The following AHCYL2 variants were observed in gnomAD, a reference collection of about 807,000 sequenced individuals.
The protein encoded by AHCYL2 is adenosylhomocysteinase like 2, also known as S-adenosylhomocysteine hydrolase-like protein 2.
AHCYL2 carries 28 observed loss-of-function variants against 81.4 expected under a neutral mutation model. The observed-to-expected ratio is 0.34, with a 90% confidence interval of 0.25 to 0.47. The LOEUF (loss-of-function observed/expected upper bound fraction) is 0.47. Ranked by LOEUF, AHCYL2 falls within the 20% of genes least tolerant of loss-of-function variation. AHCYL2 has a pLI of 1.00. For synonymous variants in AHCYL2, 272 were observed against 290.2 expected, an observed-to-expected ratio of 0.94 and a Z score of 0.64; for missense variants, 551 against 785.1, an observed-to-expected ratio of 0.70 and a Z score of 3.56.
At chr7:129,236,434 C>G (rs1016984616) in intron 1 of AHCYL2, among the ~76,000 whole-genome samples, 1 of 152,020 alleles carries the variant, frequency 6.6e-6, no homozygotes, top group Non-Finnish European at 1.5e-5. Context: ...CTCCTGACCT[C>G]AGGTGATCCG....
Position 129,426,644 on chromosome 7 carries a change from C to T in AHCYL2, c.1829+81C>T, listed in dbSNP as rs1797377859. On this transcript the variant is annotated intron_variant, in intron 16 of 16. Coordinates refer to ENST00000325006, the MANE Select transcript of AHCYL2 (RefSeq NM_015328.4). This position sits in a 1 kb window ranked among gnomAD's most constrained non-coding sequence, Gnocchi z 4.3. ...CTGGAATTGGTCTTTGCATCCCCAA[C>T]CACATATGCTTACATGAACTCAGAA... 6.5e-7 allele frequency: 1 copy of T among 1,544,130 alleles called. No homozygotes were observed. The highest frequency in any genetic ancestry group is 1.4e-5 in the African/African-American group (1 of 72,506).
At chr7:129,310,554 G>A (rs997939073) in intron 1 of AHCYL2, among the ~76,000 whole-genome samples, 1 of 152,066 alleles carries the variant, frequency 6.6e-6, no homozygotes, top group Admixed American at 6.6e-5. Flanking sequence ...TTAAGAAGGA[G>A]GGGAATTAAG....
At chr7:129,242,822 T>C (rs1402020328) in intron 1 of AHCYL2, among the ~76,000 whole-genome samples, 1 of 152,150 alleles carries the variant, frequency 6.6e-6, no homozygotes, top group Non-Finnish European at 1.5e-5. Flanking sequence ...TTCAAATCCT[T>C]ACTAATATGT....
chr7:129,411,125 C>T (rs532121869), intron 11 of AHCYL2, among the ~76,000 whole-genome samples: 28 of 151,742 alleles, frequency 1.8e-4, no homozygotes, highest in African/African-American at 6.8e-4. Flanking sequence ...CTGCACATTT[C>T]ACACATTTAA....
Position 129,225,134 on chromosome 7 carries a change from AAG to A in AHCYL2, c.59_60del (p.Lys20ArgfsTer31), listed in dbSNP as rs1794158444. 1 of 1,602,852 alleles carries A rather than the reference AAG, an allele frequency of 6.2e-7. No homozygotes were observed. The highest frequency in any genetic ancestry group is 1.3e-5 in the African/African-American group (1 of 74,692). On this transcript the variant is annotated frameshift_variant, in exon 1 of 17. Coordinates refer to ENST00000325006, the MANE Select transcript of AHCYL2 (RefSeq NM_015328.4). LOFTEE classifies it high-confidence loss of function. ...AAAKVPEVEL[K>X]DLSPSEAESQ... Reference sequence around the variant, plus strand: ...CGCCAAGGTGCCTGAGGTGGAGCTGAAGGACCTGAGCCCCTCCGAGGCGGAGT... The same window carrying A: ...CGCCAAGGTGCCTGAGGTGGAGCTGAGACCTGAGCCCCTCCGAGGCGGAGT...
chr7:129,394,440 C>CTTTTTTTTT (rs35797517), intron 4 of AHCYL2, among the ~76,000 whole-genome samples: 8 of 45,746 alleles, frequency 1.7e-4, no homozygotes, highest in South Asian at 9.2e-4. Flanking sequence ...TTGTATTTGA[C>CTTTTTTTTT]TTTTTTTTTT....
chr7:129,382,227 A>C (rs989322876), intron 2 of AHCYL2, among the ~76,000 whole-genome samples: 20 of 152,216 alleles, frequency 1.3e-4, no homozygotes, highest in African/African-American at 4.6e-4. Context: ...ACTGACTCAC[A>C]ACTCTCTAAA....
At chr7:129,375,614 G>C in intron 1 of AHCYL2, 1 of 1,335,560 alleles carries the variant, frequency 7.5e-7, no homozygotes. Flanking sequence ...AAAAAAACAA[G>C]TAAAAGCAAA....
At chr7:129,327,343 A>G (rs1013847094) in intron 1 of AHCYL2, among the ~76,000 whole-genome samples, 7 of 152,212 alleles carry the variant, frequency 4.6e-5, no homozygotes, top group Non-Finnish European at 8.8e-5. Flanking sequence ...GATTTGTTGC[A>G]CGTTGATCTT....
chr7:129,359,985 AT>A (rs1793875022), intron 1 of AHCYL2, among the ~76,000 whole-genome samples: 1 of 152,226 alleles, frequency 6.6e-6, no homozygotes, highest in East Asian at 1.9e-4. Context: ...TGATGTTTCT[AT>A]TTATAATAGT....
At chr7:129,289,940 G>A (rs1003317220) in intron 1 of AHCYL2, among the ~76,000 whole-genome samples, 8 of 151,602 alleles carry the variant, frequency 5.3e-5, no homozygotes, top group African/African-American at 1.5e-4. Flanking sequence ...GCACCACCTC[G>A]CCCAACTAAT....
rs543688437 is a variant in AHCYL2, at chr7:129,227,034, A to C, written c.363+1595A>C. ...AAATTGCTTTTAGAGCATGAAGTTT[A>C]CAGTCAGGCAGACCTGGATTTGAAG... On this transcript the variant is annotated intron_variant, in intron 1 of 16. Transcript: ENST00000325006. Among the ~76,000 whole-genome samples the C allele has an allele frequency of 2.8e-4, 42 of 152,362 alleles. 1 individual carries two copies. Among genetic ancestry groups the C allele is most frequent in the African/African-American group, 9.4e-4 (39 of 41,588 alleles).
In AHCYL2 at chr7:129,246,015, G is replaced by A. The variant is rs116807195; in HGVS notation, c.363+20576G>A. ...TTTATACATCGACAACACTTATTTC[G>A]TTTTTTGATAATAGTCATCCTAATA... On this transcript the variant is annotated intron_variant, in intron 1 of 16. Coordinates refer to ENST00000325006, the MANE Select transcript of AHCYL2 (RefSeq NM_015328.4). Among the ~76,000 whole-genome samples, 787 of 149,932 alleles carry A rather than the reference G, an allele frequency of 5.2e-3. 11 individuals carry two copies. The highest frequency in any genetic ancestry group is 0.018 in the African/African-American group (751 of 41,002).
intron 1 of AHCYL2, among the ~76,000 whole-genome samples, chr7:129,269,377 C>T (rs1024006607): frequency 3.3e-5 from 5 of 152,076 alleles, no homozygotes; most frequent in African/African-American, 1.2e-4. Flanking sequence ...CCTCCGCCTC[C>T]TGGGTTCAGG....
intron 13 of AHCYL2, among the ~76,000 whole-genome samples, chr7:129,424,513 C>T (rs958070741): frequency 2.6e-5 from 4 of 152,146 alleles, no homozygotes; most frequent in Admixed American, 2.6e-4. Flanking sequence ...TTGTTTATTT[C>T]AAGACAGTCT....
intron 1 of AHCYL2, among the ~76,000 whole-genome samples, chr7:129,371,095 C>T (rs1467482057): frequency 2.6e-5 from 4 of 152,242 alleles, no homozygotes; most frequent in South Asian, 4.2e-4. Context: ...GTCTTTTAAT[C>T]CCCAAGAAAA....
At chr7:129,412,945 C>T (rs995107146) in intron 11 of AHCYL2, among the ~76,000 whole-genome samples, 4 of 151,814 alleles carry the variant, frequency 2.6e-5, no homozygotes, top group African/African-American at 9.7e-5. Context: ...CTCAATCAAT[C>T]CTCCCACCTT....
chr7:129,316,035 A>G (rs1797816390), intron 1 of AHCYL2, among the ~76,000 whole-genome samples: 2 of 152,226 alleles, frequency 1.3e-5, no homozygotes, highest in South Asian at 4.1e-4. Flanking sequence ...ATGGCAGATA[A>G]CAAACTTGGT....
rs1584881499 is a variant in AHCYL2, at chr7:129,399,057, G to T, written c.824-1233G>T. 2.8e-5 allele frequency among the ~76,000 whole-genome samples: 4 copies of T among 145,010 alleles called. No individual in the cohort carries two copies. In the East Asian group the frequency reaches 8.3e-4, roughly 30 times the overall value. On this transcript the variant is annotated intron_variant, in intron 5 of 16. Coordinates refer to ENST00000325006, the MANE Select transcript of AHCYL2 (RefSeq NM_015328.4). ...CTCATGAGGCTGAGGCAGGAGAATC[G>T]CTTGAACCCAGGAGGCGGAGGCTGC...
Sources: gnomAD v4.1 joint callset for allele counts (sites outside exome capture counted in the v4.1 genomes callset) on GRCh38, gnomAD v4.1.1 for gene constraint, Gnocchi (gnomAD v3.1) non-coding constraint, MANE v1.5 for transcripts, NCBI Gene and HGNC (gene_info 2026-07-23, HGNC 2026-07-21) for gene names.